The following SORL1 variants were observed in gnomAD, a reference collection of about 807,000 sequenced individuals.
SORL1 encodes sortilin-related receptor.
A neutral mutation model predicts 273.7 loss-of-function variants in SORL1; 127 were observed. The ratio of observed to expected loss-of-function variants is 0.46; its 90% CI spans 0.40 to 0.54. The LOEUF (loss-of-function observed/expected upper bound fraction) is 0.54, where lower values mean the gene tolerates loss of function less well. Ranked by LOEUF, SORL1 falls within the 20% of genes least tolerant of loss-of-function variation. SORL1 has a pLI of 0.00. For missense variants in SORL1, 2,494 were observed against 2,846.1 expected, an observed-to-expected ratio of 0.88 and a Z score of 2.81; for synonymous variants, 1,031 against 1,067.4, an observed-to-expected ratio of 0.97 and a Z score of 0.66.
chr11:121,590,130 G>A lies in SORL1; in HGVS notation c.4169G>A (p.Arg1390Lys). 1 of 1,614,248 alleles carries A rather than the reference G, an allele frequency of 6.2e-7. No individual in the cohort carries two copies. Among genetic ancestry groups the A allele is most frequent in the Non-Finnish European group, 8.5e-7 (1 of 1,180,034 alleles). Residue 1390 changes from arginine to lysine, a missense_variant, in exon 30 of 48, where the codon AGG (arginine) becomes AAG (lysine). By Grantham distance (26) the Arg-to-Lys change is conservative. Transcript: ENST00000260197. ...ATCCCCAACAGATGGAAATGTGACA[G>A]GGAGAACGACTGTGGGGACTGGTCT... ...HCIPNRWKCD[R>K]ENDCGDWSDE...
Position 121,503,826 on chromosome 11 carries a change from C to T in SORL1, c.939+6777C>T, listed in dbSNP as rs183332331. Among the ~76,000 whole-genome samples the T allele has an allele frequency of 3.3e-5, 5 of 152,286 alleles. No individual in the cohort carries two copies. The East Asian group carries it at 9.6e-4, about 29-fold the overall frequency. ...TTGAATTTGGAAAATTTGAACTCTCCAACTTTGTTCTTTTTCAAGATTGTA... is the reference window on the plus strand; with the variant it reads ...TTGAATTTGGAAAATTTGAACTCTCTAACTTTGTTCTTTTTCAAGATTGTA... On this transcript the variant is annotated intron_variant, in intron 6 of 47. Transcript: ENST00000260197.
At chr11:121,465,330 A>G (rs983782386) in intron 1 of SORL1, among the ~76,000 whole-genome samples, 4 of 152,212 alleles carry the variant, frequency 2.6e-5, no homozygotes, top group African/African-American at 9.7e-5. Flanking sequence ...GTTCAGCCAC[A>G]TTGTAGCATA....
At chr11:121,485,720 G>C (rs1461009022) in intron 3 of SORL1, among the ~76,000 whole-genome samples, 3 of 152,152 alleles carry the variant, frequency 2.0e-5, no homozygotes, top group African/African-American at 4.8e-5. Flanking sequence ...AGGTGGTTTG[G>C]GAGCAGGAAG....
chr11:121,468,634 G>A (rs181900552), intron 1 of SORL1, among the ~76,000 whole-genome samples: 11 of 152,136 alleles, frequency 7.2e-5, no homozygotes, highest in African/African-American at 2.2e-4. Context: ...TTGGCCAGGC[G>A]GGTCTTGAAC....
At chr11:121,515,960 C>A (rs545187485) in intron 8 of SORL1, among the ~76,000 whole-genome samples, 1 of 152,100 alleles carries the variant, frequency 6.6e-6, no homozygotes, top group Non-Finnish European at 1.5e-5. Flanking sequence ...TCTTTTCCTT[C>A]GAAATGAGAT....
rs151078013 is a variant in SORL1 at position 121,537,896 on chromosome 11, A to G, written c.1685+5344A>G. ...TTGCATGAAAGCCTTTCAAGTATTT[A>G]AGGACCCTGTCATGTTCTCCTGAGT... On this transcript the variant is annotated intron_variant, in intron 12 of 47. Coordinates refer to ENST00000260197, the MANE Select transcript of SORL1 (RefSeq NM_003105.6). Among the ~76,000 whole-genome samples, 167 of 152,314 alleles carry G rather than the reference A, an allele frequency of 1.1e-3. 1 individual carries two copies. The highest frequency in any genetic ancestry group is 4.0e-3 in the African/African-American group (167 of 41,562).
intron 32 of SORL1, among the ~76,000 whole-genome samples, chr11:121,599,880 T>G (rs1473133831): frequency 6.6e-6 from 1 of 152,226 alleles, no homozygotes; most frequent in African/African-American, 2.4e-5. Context: ...TTTCCTGCAT[T>G]TTGGCTGTTT....
intron 6 of SORL1, among the ~76,000 whole-genome samples, chr11:121,507,726 T>A (rs972921091): frequency 1.3e-5 from 2 of 152,132 alleles, no homozygotes; most frequent in Admixed American, 6.5e-5. Context: ...AACATATTTA[T>A]AATAGCTTAT....
intron 25 of SORL1, among the ~76,000 whole-genome samples, chr11:121,581,476 T>C (rs1863014647): frequency 1.3e-5 from 2 of 152,210 alleles, no homozygotes; most frequent in East Asian, 1.9e-4. Context: ...AATCCTACCA[T>C]GCAGAGGATT....
chr11:121,502,443 CTA>C (rs976000877), intron 6 of SORL1, among the ~76,000 whole-genome samples: 2 of 151,914 alleles, frequency 1.3e-5, no homozygotes, highest in African/African-American at 4.8e-5. Context: ...GCCGACAATT[CTA>C]TGTTTAACTT....
At chr11:121,455,328 C>T (rs1860885521) in intron 1 of SORL1, among the ~76,000 whole-genome samples, 1 of 152,156 alleles carries the variant, frequency 6.6e-6, no homozygotes, top group African/African-American at 2.4e-5. Context: ...AGACACTGTC[C>T]AGCTTCTTGC....
At chr11:121,570,393 T>C (rs1250778333) in intron 23 of SORL1, 123 bp downstream of exon 23, 5 of 617,016 alleles carry the variant, frequency 8.1e-6, no homozygotes, top group Non-Finnish European at 1.5e-5. Context: ...CCCATCTAAG[T>C]TGATGGGGCT....
intron 27 of SORL1, among the ~76,000 whole-genome samples, chr11:121,586,698 G>GGC (rs1555081896): frequency 7.7e-5 from 1 of 12,908 alleles, no homozygotes; most frequent in East Asian, 2.6e-3. Context: ...TAGAGTGGGG[G>GGC]GGGGGGCGGG....
intron 11 of SORL1, among the ~76,000 whole-genome samples, chr11:121,523,503 T>C (rs942768499): frequency 6.6e-6 from 1 of 152,168 alleles, no homozygotes. Flanking sequence ...CTTAAGGTTG[T>C]ATAACTAATA....
At position 121,522,693 on chromosome 11, in the gene SORL1, C is replaced by T. The variant is rs372306435; in HGVS notation, c.1512C>T (p.Ile504=). 1 of 1,612,264 alleles carries T rather than the reference C, an allele frequency of 6.2e-7. No homozygotes were observed. Among genetic ancestry groups the T allele is most frequent in the Non-Finnish European group, 8.5e-7 (1 of 1,178,242 alleles). The change falls in exon 10 of 48, where the codon ATC becomes ATT. Residue 504 remains isoleucine (I), a synonymous_variant. Transcript: ENST00000260197. The stretch of plus-strand genomic sequence containing the variant: ...CCAAGGAGTCGGCTCCAGGCCTCAT[C>T]ATCGCCACTGGTAAGTGTGCTTGCC... The part of the protein sequence containing the change: ...ILSKESAPGL[I]IATGSVGKNL...
At chr11:121,549,848 A>G in intron 14 of SORL1, 112 bp from the exon 15 acceptor site, 2 of 849,862 alleles carry the variant, frequency 2.4e-6, no homozygotes, top group Non-Finnish European at 3.6e-6. Flanking sequence ...GGGACATGTT[A>G]AATAACTTAT....
In SORL1 at chr11:121,452,511, G is replaced by A. The variant is rs1860817674; in HGVS notation, c.180G>A (p.Leu60=). 11 of 1,479,118 alleles carry A rather than the reference G, an allele frequency of 7.4e-6. No individual in the cohort carries two copies. In the East Asian group the frequency reaches 2.8e-4, roughly 38 times the overall value. 91.6% of individuals were successfully genotyped at this position (1,479,118 alleles called of 1,614,324 possible). The change falls in exon 1 of 48, where the codon CTG becomes CTA. Residue 60 remains leucine (L), a synonymous_variant. Coordinates refer to ENST00000260197, the MANE Select transcript of SORL1 (RefSeq NM_003105.6). This position sits in a 1 kb window ranked among gnomAD's most constrained non-coding sequence, Gnocchi z 5.3. Reference sequence around the variant, plus strand: ...AGGGCGACCCGCGCGAGCTGCGGCTGTGGGCGCGCGGGGATGCCAGGGGGG... The same window carrying A: ...AGGGCGACCCGCGCGAGCTGCGGCTATGGGCGCGCGGGGATGCCAGGGGGG... The part of the protein sequence containing the change: ...VVQGDPRELR[L]WARGDARGAS...
At chr11:121,597,589 G>A (rs928043608) in intron 32 of SORL1, among the ~76,000 whole-genome samples, 1 of 152,058 alleles carries the variant, frequency 6.6e-6, no homozygotes, top group Non-Finnish European at 1.5e-5. Flanking sequence ...AGCCTCCCGA[G>A]TAGCTGGGAC....
intron 22 of SORL1, among the ~76,000 whole-genome samples, chr11:121,568,332 T>G (rs1389208297): frequency 6.6e-6 from 1 of 152,228 alleles, no homozygotes; most frequent in Non-Finnish European, 1.5e-5. Flanking sequence ...ACAAGAGACT[T>G]TCTTTCAGGC....
Sources: allele counts gnomAD v4.1 joint callset (sites outside exome capture counted in the v4.1 genomes callset), GRCh38; gene constraint gnomAD v4.1.1; non-coding constraint Gnocchi (gnomAD v3.1); transcripts MANE v1.5; gene names NCBI Gene and HGNC (gene_info 2026-07-23, HGNC 2026-07-21).